Variants in CNTLN observed in about 807,000 individuals in gnomAD.
CNTLN encodes the protein centlein, centrosomal protein.
CNTLN carries 212 observed loss-of-function variants against 180.0 expected under a neutral mutation model. That is an observed-to-expected ratio of 1.18 (90% confidence interval 1.05 to 1.32). The LOEUF (loss-of-function observed/expected upper bound fraction) is 1.32. Ranked by LOEUF, CNTLN falls within the 40% of genes most tolerant of loss-of-function variation. The pLI, the probability that CNTLN is intolerant of heterozygous loss-of-function variation, is 0.00. For missense variants in CNTLN, 2,095 were observed against 1,610.9 expected (o/e 1.30, Z -5.14); for synonymous variants, 722 against 563.1 (o/e 1.28, Z -3.99).
At chr9:17,243,892 G>A (rs1825640276) in intron 5 of CNTLN, among the ~76,000 whole-genome samples, 1 of 152,138 alleles carries the variant, frequency 6.6e-6, no homozygotes, top group Admixed American at 6.5e-5. Context: ...CCTATCCAAT[G>A]CTGAAGGTGG....
chr9:17,386,384 A>G (rs79425330), intron 13 of CNTLN, among the ~76,000 whole-genome samples: 5,044 of 152,278 alleles, frequency 0.033, 260 homozygotes, highest in East Asian at 0.27. Context: ...GAATGTTTAT[A>G]CTAGTAAAAG....
intron 2 of CNTLN, among the ~76,000 whole-genome samples, chr9:17,210,975 G>A (rs112537777): frequency 0.026 from 3,936 of 152,210 alleles, 173 homozygotes; most frequent in African/African-American, 0.089. Flanking sequence ...AGATGAGTAG[G>A]TTGCAAAAAT....
intron 8 of CNTLN, among the ~76,000 whole-genome samples, chr9:17,313,012 A>G (rs918567485): frequency 6.6e-6 from 1 of 152,092 alleles, no homozygotes; most frequent in Non-Finnish European, 1.5e-5. Flanking sequence ...TATTAGTTGT[A>G]TGCATATTTA....
At chr9:17,152,232 A>G (rs1205112292) in intron 2 of CNTLN, among the ~76,000 whole-genome samples, 1 of 151,992 alleles carries the variant, frequency 6.6e-6, no homozygotes. Flanking sequence ...TTGCTTCTCT[A>G]GTCCTTTTAA....
chr9:17,280,206 A>G (rs1278264201), intron 6 of CNTLN, among the ~76,000 whole-genome samples: 5 of 152,200 alleles, frequency 3.3e-5, no homozygotes, highest in Admixed American at 2.0e-4. Context: ...AGTAAAATAT[A>G]TTCTACAGAA....
intron 8 of CNTLN, among the ~76,000 whole-genome samples, 194 bp from the exon 9 acceptor site, chr9:17,330,438 T>G (rs1410178862): frequency 6.6e-6 from 1 of 152,036 alleles, no homozygotes; most frequent in Non-Finnish European, 1.5e-5. Flanking sequence ...ATATAGACTC[T>G]TGGTTATTTT....
At chr9:17,281,086 T>G (rs1298761500) in intron 6 of CNTLN, among the ~76,000 whole-genome samples, 2 of 152,166 alleles carry the variant, frequency 1.3e-5, no homozygotes, top group Non-Finnish European at 2.9e-5. Context: ...CCTTACATCT[T>G]GGCTTTCTAT....
intron 7 of CNTLN, 76 bp from the exon 8 acceptor site, chr9:17,308,982 A>T (rs1818935897): frequency 3.2e-6 from 3 of 926,390 alleles, no homozygotes; most frequent in Non-Finnish European, 4.7e-6. Flanking sequence ...GTATATATAC[A>T]CACACACACA....
At chr9:17,429,791 A>G (rs912689571) in intron 18 of CNTLN, among the ~76,000 whole-genome samples, 9 of 152,122 alleles carry the variant, frequency 5.9e-5, no homozygotes, top group Admixed American at 2.6e-4. Flanking sequence ...AAATAAAAAT[A>G]CCGACATATT....
chr9:17,358,822 G>A (rs1159404529), intron 12 of CNTLN, among the ~76,000 whole-genome samples: 4 of 152,140 alleles, frequency 2.6e-5, no homozygotes, highest in African/African-American at 9.7e-5. Context: ...AGCAGATGAT[G>A]TAGCTACATA....
At chr9:17,360,851 T>C (rs1298204194) in intron 12 of CNTLN, among the ~76,000 whole-genome samples, 1 of 152,234 alleles carries the variant, frequency 6.6e-6, no homozygotes, top group Non-Finnish European at 1.5e-5. Context: ...TGGTCTTATC[T>C]TGTTGAATGT....
intron 6 of CNTLN, among the ~76,000 whole-genome samples, chr9:17,283,229 GT>G (rs1477130149): frequency 6.6e-6 from 1 of 152,154 alleles, no homozygotes; most frequent in Admixed American, 6.5e-5. Context: ...AGCATGGAAT[GT>G]TTTTTCATTT....
chr9:17,309,123 T>C lies in CNTLN; in HGVS notation c.1212T>C (p.Ser404=). The C allele has an allele frequency of 6.2e-7, 1 of 1,610,020 alleles. No individual in the cohort carries two copies. The highest frequency in any genetic ancestry group is 8.5e-7 in the Non-Finnish European group (1 of 1,178,152). ...TKSNEAMLRQ[S]VTNLQDQLLQ... ...CAAATGAAGCTATGCTCCGGCAAAGTGTTACTAATCTTCAGGATCAGCTAT... is the reference window on the plus strand; with the variant it reads ...CAAATGAAGCTATGCTCCGGCAAAGCGTTACTAATCTTCAGGATCAGCTAT... Residue 404 remains serine (S), a synonymous_variant, in exon 8 of 26, where the codon AGT becomes AGC. Transcript: ENST00000380647.
intron 2 of CNTLN, among the ~76,000 whole-genome samples, chr9:17,152,569 T>C (rs1818965372): frequency 6.6e-6 from 1 of 152,210 alleles, no homozygotes; most frequent in Admixed American, 6.5e-5. Flanking sequence ...TGAGTAGTGT[T>C]TTACTTGCAA....
intron 5 of CNTLN, among the ~76,000 whole-genome samples, chr9:17,270,446 A>G (rs893123855): frequency 6.6e-6 from 1 of 152,126 alleles, no homozygotes; most frequent in African/African-American, 2.4e-5. Flanking sequence ...GCATCCTTAT[A>G]TTTCTGGAAC....
At chr9:17,302,140 A>G in intron 7 of CNTLN, 1 of 975,886 alleles carries the variant, frequency 1.0e-6, no homozygotes, top group Middle Eastern at 5.3e-4. Context: ...ACACTGACCT[A>G]TCCACCCAGG....
Position 17,298,266 on chromosome 9 carries a change from C to T in CNTLN, c.1060C>T (p.Gln354Ter), listed in dbSNP as rs1390883261. Reference protein sequence around the residue: ...HTAQQAELIQQLQVLNMDTQK... With the variant: ...HTAQQAELIQ ...AGCCCAGCAAGCAGAGCTGATCCAG[C>T]AGCTTCAGGTTCTCAATATGGACAC... The change falls in exon 7 of 26, where the codon CAG (glutamine) becomes TAG (stop). Residue 354 changes from glutamine (Q) to a stop codon, truncating the protein, a stop_gained. Coordinates refer to ENST00000380647, the MANE Select transcript of CNTLN (RefSeq NM_017738.4). LOFTEE classifies it high-confidence loss of function. 4 of 1,613,252 alleles carry T rather than the reference C, an allele frequency of 2.5e-6. No homozygotes were observed. The highest frequency in any genetic ancestry group is 3.3e-5 in the Admixed American group (2 of 59,836).
At chr9:17,171,883 C>T (rs1820443790) in intron 2 of CNTLN, among the ~76,000 whole-genome samples, 1 of 151,814 alleles carries the variant, frequency 6.6e-6, no homozygotes, top group Non-Finnish European at 1.5e-5. Flanking sequence ...GCTTCAGTGT[C>T]CTAGGTGCAA....
intron 6 of CNTLN, among the ~76,000 whole-genome samples, chr9:17,279,292 C>T (rs1185018598): frequency 6.6e-6 from 1 of 152,132 alleles, no homozygotes; most frequent in African/African-American, 2.4e-5. Flanking sequence ...GTGTTCATCA[C>T]TAAACTTTTT....
Sources: allele counts gnomAD v4.1 joint callset (sites outside exome capture counted in the v4.1 genomes callset), GRCh38; gene constraint gnomAD v4.1.1; transcripts MANE v1.5; gene names NCBI Gene and HGNC (gene_info 2026-07-23, HGNC 2026-07-21).